ALOX5AP: variants seen among roughly 807,000 people sequenced by gnomAD.
ALOX5AP encodes arachidonate 5-lipoxygenase-activating protein.
ALOX5AP carries 9 observed loss-of-function variants against 18.5 expected under a neutral mutation model. That is an observed-to-expected ratio of 0.49 (90% CI 0.29 to 0.85). The LOEUF (loss-of-function observed/expected upper bound fraction) is 0.85. ALOX5AP is among the 40% of genes least tolerant of loss of function. The probability of loss-of-function intolerance (pLI) is 0.08; values close to 1 mark genes in which losing one functional copy is unlikely to be tolerated. For synonymous variants in ALOX5AP, 81 were observed against 78.6 expected (o/e 1.03, Z -0.16); for missense variants, 172 against 202.5 (o/e 0.85, Z 0.91).
chr13:30,734,919 T>C (rs180734779), upstream of ALOX5AP, among the ~76,000 whole-genome samples: 200 of 152,352 alleles, frequency 1.3e-3, no homozygotes, highest in African/African-American at 4.5e-3. Context: ...TCACTTTTTT[T>C]CTTGGAATTC....
chr13:30,753,253 C>T (rs1230428766), intron 3 of ALOX5AP, among the ~76,000 whole-genome samples: 1 of 152,214 alleles, frequency 6.6e-6, no homozygotes, highest in Non-Finnish European at 1.5e-5. Flanking sequence ...ACGTGGCACT[C>T]CTTCTGTGCT....
At chr13:30,748,066 G>A (rs1311961461) in intron 2 of ALOX5AP, among the ~76,000 whole-genome samples, 2 of 151,978 alleles carry the variant, frequency 1.3e-5, no homozygotes, top group East Asian at 3.9e-4. Flanking sequence ...ATTACAGCAT[G>A]CACCACCATG....
chr13:30,747,732 AGGAC>A (rs1951820423), intron 2 of ALOX5AP, among the ~76,000 whole-genome samples: 1 of 152,274 alleles, frequency 6.6e-6, no homozygotes, highest in South Asian at 2.1e-4. Flanking sequence ...CAGACTTTTG[AGGAC>A]GTTTAAGGGT....
chr13:30,763,800 G>A (rs1951966113), intron 4 of ALOX5AP, 144 bp from the exon 5 acceptor site: 2 of 775,710 alleles, frequency 2.6e-6, no homozygotes, highest in African/African-American at 1.7e-5. Context: ...CCCTTCAAAT[G>A]AAGTAAATGG....
At chr13:30,735,178 A>G (rs746560086), upstream of ALOX5AP, among the ~76,000 whole-genome samples, 40 of 152,062 alleles carry the variant, frequency 2.6e-4, no homozygotes, top group Non-Finnish European at 5.0e-4. Context: ...GTCTGACCTG[A>G]AAGTTTTGGG....
chr13:30,736,140 G>GA (rs1369990875), intron 1 of ALOX5AP, among the ~76,000 whole-genome samples: 2 of 151,996 alleles, frequency 1.3e-5, no homozygotes, highest in African/African-American at 2.4e-5. Context: ...GAGGTGCGTA[G>GA]AAAAAATCAT....
intron 4 of ALOX5AP, among the ~76,000 whole-genome samples, chr13:30,760,752 C>T (rs960233676): frequency 6.6e-6 from 1 of 152,164 alleles, no homozygotes; most frequent in African/African-American, 2.4e-5. Flanking sequence ...AATACGCCCC[C>T]ATAGGATGGC....
At chr13:30,760,143 C>T (rs1951929105) in intron 4 of ALOX5AP, among the ~76,000 whole-genome samples, 1 of 152,058 alleles carries the variant, frequency 6.6e-6, no homozygotes. Flanking sequence ...GGTCACCAGG[C>T]TTAAAATGAC....
intron 1 of ALOX5AP, among the ~76,000 whole-genome samples, chr13:30,726,066 G>A (rs1951637112): frequency 6.6e-6 from 1 of 152,174 alleles, no homozygotes; most frequent in Non-Finnish European, 1.5e-5. Flanking sequence ...TGGTGTTCGG[G>A]TAGTAATTTT....
intron 1 of ALOX5AP, among the ~76,000 whole-genome samples, chr13:30,721,704 C>G (rs575564584): frequency 6.6e-6 from 1 of 152,264 alleles, no homozygotes; most frequent in East Asian, 1.9e-4. Flanking sequence ...TCTTAAAATC[C>G]TCAAGTGGCT....
chr13:30,759,919 G>A (rs906075835), intron 4 of ALOX5AP, among the ~76,000 whole-genome samples: 1 of 152,220 alleles, frequency 6.6e-6, no homozygotes, highest in African/African-American at 2.4e-5. Flanking sequence ...TGCATTCTCA[G>A]ATGATTCTGC....
intron 3 of ALOX5AP, among the ~76,000 whole-genome samples, chr13:30,755,506 A>G (rs1321000827): frequency 6.6e-6 from 1 of 152,192 alleles, no homozygotes; most frequent in Non-Finnish European, 1.5e-5. Flanking sequence ...TAGATATGCA[A>G]ATACCTTGGA....
chr13:30,728,216 G>C (rs1405175018), intron 1 of ALOX5AP, among the ~76,000 whole-genome samples: 1 of 152,128 alleles, frequency 6.6e-6, no homozygotes, highest in Non-Finnish European at 1.5e-5. Context: ...CAGAAGTCAG[G>C]AAAAAGCAAG....
At chr13:30,724,232 A>T (rs945631377) in intron 1 of ALOX5AP, among the ~76,000 whole-genome samples, 8 of 152,254 alleles carry the variant, frequency 5.3e-5, no homozygotes, top group Non-Finnish European at 1.2e-4. Context: ...TGCTCAGTGT[A>T]ATGTTTTTGA....
chr13:30,727,891 C>T (rs1951651445), intron 1 of ALOX5AP, among the ~76,000 whole-genome samples: 1 of 152,106 alleles, frequency 6.6e-6, no homozygotes. Flanking sequence ...TTCTTTCCCT[C>T]CTGACAGTCT....
In ALOX5AP at chr13:30,735,582, C is replaced by G. The variant is rs17245407; in HGVS notation, c.-24C>G. 1.2e-6 allele frequency: 2 copies of G among 1,613,876 alleles called. No individual in the cohort carries two copies. The highest frequency in any genetic ancestry group is 1.7e-6 in the Non-Finnish European group (2 of 1,179,952). On this transcript the variant is annotated 5_prime_UTR_variant, in exon 1 of 5. Coordinates refer to ENST00000380490, the MANE Select transcript of ALOX5AP (RefSeq NM_001629.4). ...TTGTGCAGCTGGAGGCAGAGCAGTC[C>G]TCTCTGGGGAGCCTGAAGCAAACAT...
At position 30,735,625 on chromosome 13, in the gene ALOX5AP, G is replaced by A. The variant is rs368925794; in HGVS notation, c.20G>A (p.Gly7Asp). Residue 7 changes from glycine (G) to aspartate (D), a missense_variant, in exon 1 of 5, where the codon GGC becomes GAC. Physicochemically the swap from Gly to Asp is moderately conservative, Grantham distance 94. Coordinates refer to ENST00000380490, the MANE Select transcript of ALOX5AP (RefSeq NM_001629.4). MDQETV[G>D]NVVLLAIVTL... ...GCAAACATGGATCAAGAAACTGTAG[G>A]CAATGTTGTCCTGTTGGCCATCGTC... The A allele has an allele frequency of 3.7e-6, 6 of 1,614,108 alleles. No homozygotes were observed. The highest frequency in any genetic ancestry group is 5.1e-6 in the Non-Finnish European group (6 of 1,180,012).
Position 30,735,951 on chromosome 13 carries a change from C to T in ALOX5AP, c.70+276C>T, listed in dbSNP as rs138958594. ...TTGAAGGTTTTGCTAAAACCCTCAC[C>T]GAAGTGTCTATGATCAGCATTTTAA... On this transcript the variant is annotated intron_variant, in intron 1 of 4. Coordinates refer to ENST00000380490, the MANE Select transcript of ALOX5AP (RefSeq NM_001629.4). 3.5e-3 allele frequency among the ~76,000 whole-genome samples: 536 copies of T among 152,212 alleles called. 5 individuals are homozygous for T. The highest frequency in any genetic ancestry group is 0.012 in the African/African-American group (511 of 41,510).
At chr13:30,714,572 TGGAGGTGGGAGGTG>T (rs59000904) in intron 1 of ALOX5AP, among the ~76,000 whole-genome samples, 12 of 47,050 alleles carry the variant, frequency 2.6e-4, no homozygotes, top group Non-Finnish European at 5.2e-5. Flanking sequence ...GAGAGCTTGG[TGGAGGTGGGAGGTG>T]GGAGGTGGGG....
Sources: gnomAD v4.1 joint callset for allele counts (sites outside exome capture counted in the v4.1 genomes callset) on GRCh38, gnomAD v4.1.1 for gene constraint, MANE v1.5 for transcripts, NCBI Gene and HGNC (gene_info 2026-07-23, HGNC 2026-07-21) for gene names.